Variants in FBXL17 observed in about 807,000 individuals in gnomAD.
The protein encoded by FBXL17 is F-box and leucine rich repeat protein 17.
FBXL17 carries 22 observed loss-of-function variants against 66.2 expected under a neutral mutation model. That is an observed-to-expected ratio of 0.33 (90% CI 0.24 to 0.47). The LOEUF (loss-of-function observed/expected upper bound fraction) is 0.47. Ranked by LOEUF, FBXL17 falls within the 20% of genes least tolerant of loss-of-function variation. FBXL17 has a pLI of 1.00. For missense variants in FBXL17, 878 were observed against 948.2 expected, an observed-to-expected ratio of 0.93 and a Z score of 0.97; for synonymous variants, 474 against 400.5, an observed-to-expected ratio of 1.18 and a Z score of -2.19.
chr5:108,169,908 G>A (rs1468058431), intron 6 of FBXL17, among the ~76,000 whole-genome samples: 1 of 151,990 alleles, frequency 6.6e-6, no homozygotes. Flanking sequence ...CCAAGATTGT[G>A]GAAAAGTCAC....
At position 108,239,289 on chromosome 5, in the gene FBXL17, G is replaced by A. The variant is rs146827989; in HGVS notation, c.1507-15061C>T. ...TATCTGGTTTTAACTTCATATCATCGAAAGAGGCACTAAAGACAGCTGAAA... is the reference window on the plus strand; with the variant it reads ...TATCTGGTTTTAACTTCATATCATCAAAAGAGGCACTAAAGACAGCTGAAA... On this transcript the variant is annotated intron_variant, in intron 4 of 8. Coordinates refer to ENST00000542267, the MANE Select transcript of FBXL17 (RefSeq NM_001163315.3). Among the ~76,000 whole-genome samples the A allele has an allele frequency of 3.5e-3, 535 of 152,208 alleles. 4 individuals are homozygous for A. Among genetic ancestry groups the A allele is most frequent in the African/African-American group, 0.013 (519 of 41,518 alleles).
intron 6 of FBXL17, among the ~76,000 whole-genome samples, chr5:108,047,616 G>A (rs1350090657): frequency 6.6e-6 from 1 of 152,178 alleles, no homozygotes; most frequent in Non-Finnish European, 1.5e-5. Context: ...GAGCCAGGGA[G>A]GCTGGATAAC....
At chr5:108,142,544 T>C (rs899833196) in intron 6 of FBXL17, among the ~76,000 whole-genome samples, 2 of 152,222 alleles carry the variant, frequency 1.3e-5, no homozygotes, top group Admixed American at 1.3e-4. Context: ...ATGTTGTTTA[T>C]AAACAAATAT....
At chr5:108,241,951 G>T (rs1755871008) in intron 4 of FBXL17, among the ~76,000 whole-genome samples, 1 of 151,978 alleles carries the variant, frequency 6.6e-6, no homozygotes, top group African/African-American at 2.4e-5. Flanking sequence ...GAGGAATAAA[G>T]ACTTTCCCAG....
At chr5:108,241,666 C>A (rs1755860420) in intron 4 of FBXL17, among the ~76,000 whole-genome samples, 1 of 151,734 alleles carries the variant, frequency 6.6e-6, no homozygotes, top group African/African-American at 2.4e-5. Flanking sequence ...CAGATTTAAC[C>A]CAAAGAAGAA....
At chr5:108,141,419 A>G (rs1751344935) in intron 6 of FBXL17, among the ~76,000 whole-genome samples, 1 of 57,012 alleles carries the variant, frequency 1.8e-5, no homozygotes, top group South Asian at 1.0e-3. Flanking sequence ...ATTTGCTAAC[A>G]TGCTATCCCT....
intron 4 of FBXL17, among the ~76,000 whole-genome samples, chr5:108,282,209 C>T (rs1483629163): frequency 1.3e-5 from 2 of 151,700 alleles, no homozygotes; most frequent in Non-Finnish European, 3.0e-5. Context: ...AAATGAAAGA[C>T]ACAACATAAC....
rs1026614942 is a variant in FBXL17 at position 108,141,125 on chromosome 5, T to C, written c.1745+44992A>G. On this transcript the variant is annotated intron_variant, in intron 6 of 8. Coordinates refer to ENST00000542267, the MANE Select transcript of FBXL17 (RefSeq NM_001163315.3). ...TGCATGCATTATACTCCAGTAACAA[T>C]GAGATATTTCTATTGCTCCACACAT... 2.0e-5 allele frequency among the ~76,000 whole-genome samples: 3 copies of C among 152,074 alleles called. No homozygotes were observed. In the East Asian group the frequency reaches 5.8e-4, roughly 29 times the overall value.
chr5:108,339,611 T>C (rs1028487562), intron 4 of FBXL17, among the ~76,000 whole-genome samples: 5 of 149,694 alleles, frequency 3.3e-5, no homozygotes, highest in East Asian at 1.9e-4. Context: ...CTACAGACTA[T>C]GTATGTGGGG....
At chr5:107,978,655 A>G (rs1056611188) in intron 7 of FBXL17, among the ~76,000 whole-genome samples, 1 of 152,058 alleles carries the variant, frequency 6.6e-6, no homozygotes, top group African/African-American at 2.4e-5. Context: ...CATGAGGACC[A>G]TTTTCCACAT....
At chr5:108,161,588 T>C (rs1752222934) in intron 6 of FBXL17, among the ~76,000 whole-genome samples, 1 of 152,200 alleles carries the variant, frequency 6.6e-6, no homozygotes, top group African/African-American at 2.4e-5. Context: ...AGGTTAGACC[T>C]TCCTCATCAG....
chr5:108,224,557 A>AC (rs71224891), intron 4 of FBXL17, among the ~76,000 whole-genome samples: 6 of 149,768 alleles, frequency 4.0e-5, no homozygotes, highest in East Asian at 3.9e-4. Flanking sequence ...ACACACACAC[A>AC]AACACACACA....
chr5:108,000,170 A>G (rs1272827353), intron 7 of FBXL17, among the ~76,000 whole-genome samples: 1 of 152,196 alleles, frequency 6.6e-6, no homozygotes, highest in African/African-American at 2.4e-5. Context: ...TGAAAGCTGT[A>G]TTGTTTTTAT....
At chr5:107,993,350 A>T (rs1298549313) in intron 7 of FBXL17, among the ~76,000 whole-genome samples, 1 of 152,170 alleles carries the variant, frequency 6.6e-6, no homozygotes, top group Admixed American at 6.5e-5. Flanking sequence ...ATCCACGTGT[A>T]TTTCTGATAT....
intron 7 of FBXL17, among the ~76,000 whole-genome samples, chr5:107,891,993 T>G (rs1339595911): frequency 6.6e-6 from 1 of 152,256 alleles, no homozygotes. Flanking sequence ...ACATCGTAAC[T>G]TAGCCTAGCC....
chr5:108,066,860 C>T (rs963179846), intron 6 of FBXL17, among the ~76,000 whole-genome samples: 1 of 151,848 alleles, frequency 6.6e-6, no homozygotes, highest in South Asian at 2.1e-4. Flanking sequence ...TTTCTGATGT[C>T]TATAAAAATA....
intron 7 of FBXL17, 101 bp from the exon 8 acceptor site, chr5:107,881,280 A>G: frequency 1.4e-6 from 1 of 701,892 alleles, no homozygotes; most frequent in Admixed American, 2.7e-5. Context: ...TTTGTTCCTG[A>G]AATTTTGTGT....
At chr5:107,995,337 C>T (rs1723203940) in intron 7 of FBXL17, among the ~76,000 whole-genome samples, 1 of 152,106 alleles carries the variant, frequency 6.6e-6, no homozygotes, top group Admixed American at 6.6e-5. Flanking sequence ...AAAACACATG[C>T]TGTTTGAAAA....
chr5:108,130,675 G>T (rs1273413994), intron 6 of FBXL17, among the ~76,000 whole-genome samples: 1 of 151,998 alleles, frequency 6.6e-6, no homozygotes, highest in South Asian at 2.1e-4. Context: ...AGATGTTAAA[G>T]AATGTCTGCT....
Sources: gnomAD v4.1 joint callset for allele counts (sites outside exome capture counted in the v4.1 genomes callset) on GRCh38, gnomAD v4.1.1 for gene constraint, MANE v1.5 for transcripts, NCBI Gene and HGNC (gene_info 2026-07-23, HGNC 2026-07-21) for gene names.